Variants in NINL observed in about 807,000 individuals in gnomAD.
The protein encoded by NINL is ninein like, also known as ninein-like protein.
NINL carries 153 observed loss-of-function variants against 160.3 expected under a neutral mutation model. The observed-to-expected ratio is 0.95, with a 90% CI of 0.84 to 1.09. NINL has a LOEUF of 1.09. Among genes scored for constraint, NINL ranks in the 50% least tolerant of loss-of-function variants. The probability of loss-of-function intolerance (pLI) is 0.00; values close to 1 mark genes in which losing one functional copy is unlikely to be tolerated. For missense variants in NINL, 1,829 were observed against 1,764.0 expected, an observed-to-expected ratio of 1.04 and a Z score of -0.66; for synonymous variants, 800 against 734.8, an observed-to-expected ratio of 1.09 and a Z score of -1.43.
chr20:25,556,305 T>C (rs6076360), intron 1 of NINL, among the ~76,000 whole-genome samples: 147,870 of 152,262 alleles, frequency 0.97, 71,945 homozygotes, highest in Non-Finnish European at 1. Flanking sequence ...CAAAAAGTTT[T>C]ATGTAACACA....
rs576758405 is a variant in NINL, at chr20:25,583,058, G to A, written c.-12+2397C>T. 2.0e-4 allele frequency among the ~76,000 whole-genome samples: 30 copies of A among 152,274 alleles called. 1 individual carries two copies. In the South Asian group the frequency reaches 5.0e-3, roughly 25 times the overall value. On this transcript the variant is annotated intron_variant, in intron 1 of 23. Transcript: ENST00000278886. ...AAGAAAACCTAGGCAATACTATTCA[G>A]GACATAGGCATGGGCAAAGTCTTCA... is the stretch of plus-strand genomic sequence containing the variant.
intron 1 of NINL, among the ~76,000 whole-genome samples, chr20:25,547,153 C>T (rs2147079050): frequency 1.3e-5 from 2 of 152,226 alleles, no homozygotes; most frequent in East Asian, 3.9e-4. Flanking sequence ...TCATAATAAG[C>T]CCCTTTCAAC....
At chr20:25,454,998 C>T (rs139104903) in intron 23 of NINL, among the ~76,000 whole-genome samples, 47 of 152,300 alleles carry the variant, frequency 3.1e-4, no homozygotes, top group Admixed American at 7.2e-4. Context: ...AGGATACACA[C>T]GACAGGCACT....
chr20:25,472,112 G>T (rs139595252), intron 17 of NINL, among the ~76,000 whole-genome samples: 1 of 151,974 alleles, frequency 6.6e-6, no homozygotes, highest in East Asian at 1.9e-4. Context: ...TGAACAAAAA[G>T]TCAATGTCAA....
At chr20:25,566,803 A>AAAC (rs141901438) in intron 1 of NINL, among the ~76,000 whole-genome samples, 40 of 151,766 alleles carry the variant, frequency 2.6e-4, no homozygotes, top group South Asian at 6.3e-4. Context: ...TAAAACAAAC[A>AAAC]AACAACAACA....
chr20:25,524,905 AT>A (rs2064329376), intron 2 of NINL, among the ~76,000 whole-genome samples: 1 of 55,242 alleles, frequency 1.8e-5, no homozygotes, highest in African/African-American at 8.3e-5. Flanking sequence ...TCAAATTAAA[AT>A]ATATATATAT....
chr20:25,479,863 C>T (rs2063349932), intron 15 of NINL, among the ~76,000 whole-genome samples: 1 of 152,250 alleles, frequency 6.6e-6, no homozygotes, highest in Admixed American at 6.5e-5. Flanking sequence ...CACCCACAGA[C>T]CAGCAAGGAG....
chr20:25,569,637 G>A (rs986503868), intron 1 of NINL, among the ~76,000 whole-genome samples: 4 of 152,212 alleles, frequency 2.6e-5, no homozygotes, highest in African/African-American at 9.6e-5. Context: ...AGATGTGGGT[G>A]CAGATATGTT....
chr20:25,463,920 A>G (rs1474475348), intron 19 of NINL, among the ~76,000 whole-genome samples: 1 of 152,184 alleles, frequency 6.6e-6, no homozygotes, highest in Non-Finnish European at 1.5e-5. Flanking sequence ...CCACGACATA[A>G]GCGTGTGGCA....
chr20:25,513,403 C>T (rs186120146), intron 3 of NINL, among the ~76,000 whole-genome samples: 6 of 152,268 alleles, frequency 3.9e-5, no homozygotes, highest in Admixed American at 2.0e-4. Flanking sequence ...TGAGTGAACA[C>T]GCTAAATGTC....
At chr20:25,474,259 C>T (rs1461106292) in intron 17 of NINL, among the ~76,000 whole-genome samples, 1 of 152,228 alleles carries the variant, frequency 6.6e-6, no homozygotes, top group African/African-American at 2.4e-5. Context: ...GGGAGCTCCC[C>T]TCGGGGCCTC....
At chr20:25,548,503 G>A (rs6115206) in intron 1 of NINL, among the ~76,000 whole-genome samples, 147,240 of 151,672 alleles carry the variant, frequency 0.97, 71,610 homozygotes, top group Non-Finnish European at 1. Context: ...CCTTACACAG[G>A]GCTGACCTCG....
chr20:25,540,032 C>CAG, intron 1 of NINL: 1 of 1,288,836 alleles, frequency 7.8e-7, no homozygotes, highest in South Asian at 1.2e-5. Context: ...CTGCGCAGTT[C>CAG]AGAGGCCTCT....
chr20:25,519,962 C>T (rs1601208044), intron 2 of NINL, among the ~76,000 whole-genome samples: 2 of 123,332 alleles, frequency 1.6e-5, no homozygotes, highest in South Asian at 5.5e-4. Context: ...CAAGATCATG[C>T]CTGGGTGACG....
At chr20:25,567,263 A>G (rs2065007723) in intron 1 of NINL, among the ~76,000 whole-genome samples, 1 of 152,244 alleles carries the variant, frequency 6.6e-6, no homozygotes, top group South Asian at 2.1e-4. Flanking sequence ...GAGTGGAGGA[A>G]GAACAGAATC....
At chr20:25,499,329 G>T (rs920683406) in intron 8 of NINL, 1 of 738,990 alleles carries the variant, frequency 1.4e-6, no homozygotes. Context: ...TTGCAAGGCA[G>T]AATTTGGCAA....
rs555674625 is a variant in NINL at position 25,455,370 on chromosome 20, G to A, written c.3957+303C>T. 1.8e-3 allele frequency among the ~76,000 whole-genome samples: 272 copies of A among 152,334 alleles called. 2 individuals are homozygous for A. The highest frequency in any genetic ancestry group is 6.3e-3 in the African/African-American group (261 of 41,576). On this transcript the variant is annotated intron_variant, in intron 23 of 23. Coordinates refer to ENST00000278886, the MANE Select transcript of NINL (RefSeq NM_025176.6). ...AGGTCTGGGATGCAGGCTCAGCCCT[G>A]CTCATCTCAGGTCTACCTGGGAAAG...
intron 9 of NINL, 96 bp from the exon 10 acceptor site, chr20:25,496,899 G>A (rs1203515274): frequency 6.7e-7 from 1 of 1,502,928 alleles, no homozygotes; most frequent in Admixed American, 2.0e-5. Context: ...ATCAATGATA[G>A]AAACTAGCAC....
Position 25,512,870 on chromosome 20 carries a change from A to C in NINL, c.414T>G (p.Ser138Arg). The change falls in exon 4 of 24, where the codon AGT becomes AGG. Residue 138 changes from serine to arginine, a missense_variant. By Grantham distance (110) the Ser-to-Arg change is moderately radical. Coordinates refer to ENST00000278886, the MANE Select transcript of NINL (RefSeq NM_025176.6). Reference sequence around the variant, plus strand: ...CCAGAGACGCTGAGCGCCAGAGGTGACTTTTCAGGCTGGCCTGGGTTTGCT... The same window carrying C: ...CCAGAGACGCTGAGCGCCAGAGGTGCCTTTTCAGGCTGGCCTGGGTTTGCT... ...PEQQTQASLKSHLWRSASLES... is the reference protein window; with the variant it reads ...PEQQTQASLKRHLWRSASLES... 1 of 1,614,112 alleles carries C rather than the reference A, an allele frequency of 6.2e-7. No individual in the cohort carries two copies. Among genetic ancestry groups the C allele is most frequent in the Non-Finnish European group, 8.5e-7 (1 of 1,179,988 alleles).
Sources: allele counts gnomAD v4.1 joint callset (sites outside exome capture counted in the v4.1 genomes callset), GRCh38; gene constraint gnomAD v4.1.1; transcripts MANE v1.5; gene names NCBI Gene and HGNC (gene_info 2026-07-23, HGNC 2026-07-21).